The following NUP93 variants were observed in gnomAD, a reference collection of about 807,000 sequenced individuals.
The protein encoded by NUP93 is nuclear pore complex protein Nup93.
A neutral mutation model predicts 107.8 loss-of-function variants in NUP93; 55 were observed. The observed-to-expected ratio is 0.51, with a 90% CI of 0.41 to 0.64. The LOEUF (loss-of-function observed/expected upper bound fraction) is 0.64, where lower values mean the gene tolerates loss of function less well. Among genes scored for constraint, NUP93 ranks in the 30% least tolerant of loss-of-function variants. The probability of loss-of-function intolerance (pLI) is 0.00; values close to 1 mark genes in which losing one functional copy is unlikely to be tolerated. For missense variants in NUP93, 937 were observed against 1,044.7 expected, an observed-to-expected ratio of 0.90 and a Z score of 1.42; for synonymous variants, 390 against 397.5, an observed-to-expected ratio of 0.98 and a Z score of 0.22.
At chr16:56,832,113 G>A in intron 11 of NUP93, 106 bp downstream of exon 11, 1 of 1,412,384 alleles carries the variant, frequency 7.1e-7, no homozygotes, top group Non-Finnish European at 9.9e-7. Context: ...CAGTGATCAG[G>A]ACCAGTGGGT....
At chr16:56,812,344 G>T (rs1465358400) in intron 5 of NUP93, among the ~76,000 whole-genome samples, 1 of 150,534 alleles carries the variant, frequency 6.6e-6, no homozygotes, top group Non-Finnish European at 1.5e-5. Flanking sequence ...CTAGCAAGTT[G>T]TTTTTTTTTC....
chr16:56,803,167 A>G (rs1052955766), intron 4 of NUP93, among the ~76,000 whole-genome samples: 1 of 152,118 alleles, frequency 6.6e-6, no homozygotes, highest in Non-Finnish European at 1.5e-5. Context: ...AAATCAAATC[A>G]AATCACTGGG....
chr16:56,749,981 C>A (rs1388022001), intron 2 of NUP93, among the ~76,000 whole-genome samples: 2 of 152,236 alleles, frequency 1.3e-5, no homozygotes. Context: ...CCTGCAGTTA[C>A]CCCCAGTCTT....
intron 3 of NUP93, among the ~76,000 whole-genome samples, chr16:56,761,600 G>A (rs1813214120): frequency 6.6e-6 from 1 of 150,672 alleles, no homozygotes; most frequent in African/African-American, 2.4e-5. Flanking sequence ...AATTCCATGT[G>A]CTATCAGTCA....
intron 1 of NUP93, among the ~76,000 whole-genome samples, chr16:56,739,972 A>T: frequency 1.0e-5 from 1 of 98,842 alleles, no homozygotes; most frequent in East Asian, 3.6e-4. Flanking sequence ...TCCCTCCCGG[A>T]CGGGGCGGCT....
chr16:56,740,488 C>T (rs1256695430), intron 1 of NUP93, among the ~76,000 whole-genome samples: 2 of 148,952 alleles, frequency 1.3e-5, no homozygotes, highest in African/African-American at 4.9e-5. Flanking sequence ...AAGAGGCGCT[C>T]CTCACTTCCT....
At chr16:56,836,486 G>A in intron 16 of NUP93, 115 bp from the exon 17 acceptor site, 1 of 685,958 alleles carries the variant, frequency 1.5e-6, no homozygotes, top group Non-Finnish European at 2.6e-6. Flanking sequence ...CGTTGCCCAG[G>A]GCAAGCAATT....
chr16:56,840,833 T>TA (rs1358108236), intron 20 of NUP93, among the ~76,000 whole-genome samples: 4 of 151,940 alleles, frequency 2.6e-5, no homozygotes, highest in African/African-American at 9.7e-5. Context: ...CCATCTCTAC[T>TA]AAAAAATACA....
chr16:56,780,580 T>C (rs1443620736), intron 3 of NUP93, among the ~76,000 whole-genome samples: 1 of 152,198 alleles, frequency 6.6e-6, no homozygotes, highest in East Asian at 1.9e-4. Flanking sequence ...AAGAAATAAG[T>C]TAATTATATT....
intron 5 of NUP93, among the ~76,000 whole-genome samples, chr16:56,806,147 C>T (rs1217050796): frequency 1.3e-5 from 2 of 150,804 alleles, no homozygotes; most frequent in African/African-American, 4.9e-5. Flanking sequence ...TCCCTATCCC[C>T]CTTCTCTTCT....
At chr16:56,775,912 G>T (rs1451845808) in intron 3 of NUP93, among the ~76,000 whole-genome samples, 1 of 152,044 alleles carries the variant, frequency 6.6e-6, no homozygotes, top group Non-Finnish European at 1.5e-5. Flanking sequence ...CTTCATGTAG[G>T]ACCAGTAACC....
chr16:56,751,683 T>G (rs1961922443), intron 2 of NUP93, among the ~76,000 whole-genome samples: 1 of 152,190 alleles, frequency 6.6e-6, no homozygotes, highest in South Asian at 2.1e-4. Flanking sequence ...ATATTTTCAG[T>G]GAGTGACAGG....
Position 56,844,853 on chromosome 16 carries a change from T to A in NUP93, c.*244T>A, listed in dbSNP as rs1235943734. ...TTTGTGTAATGGGAAATACCGTCAC[T>A]AGCTCTTGGGCCAGGGAATGAGAGG... On this transcript the variant is annotated 3_prime_UTR_variant, in exon 22 of 22. Transcript: ENST00000308159. 1 of 404,314 alleles carries A rather than the reference T, an allele frequency of 2.5e-6. No homozygotes were observed. Among genetic ancestry groups the A allele is most frequent in the African/African-American group, 2.1e-5 (1 of 48,698 alleles). 25.0% of individuals were successfully genotyped at this position (404,314 alleles called of 1,614,324 possible).
intron 3 of NUP93, among the ~76,000 whole-genome samples, chr16:56,770,112 G>A (rs955314464): frequency 3.9e-5 from 6 of 152,194 alleles, no homozygotes; most frequent in African/African-American, 1.4e-4. Flanking sequence ...GGGCTATCTG[G>A]CTTTTATAAA....
intron 5 of NUP93, among the ~76,000 whole-genome samples, chr16:56,806,768 T>G (rs71381134): frequency 2.0e-5 from 3 of 152,060 alleles, no homozygotes; most frequent in East Asian, 3.9e-4. Context: ...TTCTATAACT[T>G]AAAAGTAGTA....
At chr16:56,823,604 C>A in intron 7 of NUP93, 103 bp from the exon 8 acceptor site, 1 of 1,336,990 alleles carries the variant, frequency 7.5e-7, no homozygotes, top group Non-Finnish European at 1.0e-6. Flanking sequence ...TTAACCTCAT[C>A]CCCCACCACA....
intron 21 of NUP93, among the ~76,000 whole-genome samples, chr16:56,843,875 T>A (rs1396384084): frequency 1.3e-5 from 2 of 152,162 alleles, no homozygotes; most frequent in African/African-American, 4.8e-5. Context: ...TAGTCCAGAT[T>A]TGGTTTAAAT....
intron 3 of NUP93, among the ~76,000 whole-genome samples, chr16:56,790,967 C>G (rs1962749123): frequency 6.6e-6 from 1 of 152,170 alleles, no homozygotes; most frequent in African/African-American, 2.4e-5. Context: ...ATTCCTGATG[C>G]CACTGCTCAT....
At chr16:56,736,564 A>G (rs1392750713) in intron 1 of NUP93, among the ~76,000 whole-genome samples, 3 of 152,178 alleles carry the variant, frequency 2.0e-5, no homozygotes, top group African/African-American at 4.8e-5. Flanking sequence ...GAGGTAACAC[A>G]GAGATGCAAA....
Sources: gnomAD v4.1 joint callset for allele counts (sites outside exome capture counted in the v4.1 genomes callset) on GRCh38, gnomAD v4.1.1 for gene constraint, MANE v1.5 for transcripts, NCBI Gene and HGNC (gene_info 2026-07-23, HGNC 2026-07-21) for gene names.